Variants in CADPS2 observed in about 807,000 individuals in gnomAD.
CADPS2 encodes calcium dependent secretion activator 2.
Under a neutral mutation model 172.5 loss-of-function variants are expected in CADPS2, and 93 were observed. The observed-to-expected ratio is 0.54, with a 90% CI of 0.46 to 0.64. The LOEUF is 0.64. Ranked by LOEUF, CADPS2 falls within the 30% of genes least tolerant of loss-of-function variation. CADPS2 has a pLI of 0.00. For missense variants in CADPS2, 1,420 were observed against 1,565.9 expected (o/e 0.91, Z 1.57); for synonymous variants, 546 against 555.2 (o/e 0.98, Z 0.23).
chr7:122,629,778 C>G (rs1006351671), intron 3 of CADPS2, among the ~76,000 whole-genome samples: 6 of 152,098 alleles, frequency 3.9e-5, no homozygotes, highest in African/African-American at 1.4e-4. Context: ...TTGACTGATA[C>G]AACTTTCTAC....
At chr7:122,464,063 C>T (rs1586297356) in intron 14 of CADPS2, among the ~76,000 whole-genome samples, 3 of 152,246 alleles carry the variant, frequency 2.0e-5, no homozygotes, top group Middle Eastern at 3.4e-3. Flanking sequence ...TTTCTAAATA[C>T]CATTCTCTAA....
At chr7:122,722,730 T>G (rs2090592598) in intron 2 of CADPS2, among the ~76,000 whole-genome samples, 1 of 138,630 alleles carries the variant, frequency 7.2e-6, no homozygotes, top group Non-Finnish European at 1.5e-5. Context: ...AAGACAATCC[T>G]AAGCCAAAAG....
At chr7:122,648,539 T>C (rs1160953168) in intron 3 of CADPS2, among the ~76,000 whole-genome samples, 4 of 151,440 alleles carry the variant, frequency 2.6e-5, no homozygotes, top group African/African-American at 9.7e-5. Context: ...CCTAGAAAAG[T>C]GCCCGAGTAG....
At chr7:122,767,943 C>T (rs931842325) in intron 1 of CADPS2, among the ~76,000 whole-genome samples, 1 of 152,026 alleles carries the variant, frequency 6.6e-6, no homozygotes, top group African/African-American at 2.4e-5. Context: ...AGACAATAAG[C>T]CTACATTCCT....
At chr7:122,435,966 A>C (rs2050590496) in intron 17 of CADPS2, among the ~76,000 whole-genome samples, 1 of 152,102 alleles carries the variant, frequency 6.6e-6, no homozygotes, top group Non-Finnish European at 1.5e-5. Flanking sequence ...AGGGGCTGGG[A>C]GAAGAGAACA....
At chr7:122,607,179 A>T (rs1435369854) in intron 6 of CADPS2, among the ~76,000 whole-genome samples, 3 of 152,154 alleles carry the variant, frequency 2.0e-5, no homozygotes, top group Admixed American at 1.3e-4. Context: ...TTCCCACTAC[A>T]GGTTTCTGAG....
chr7:122,526,811 A>C (rs1172861601), intron 8 of CADPS2, among the ~76,000 whole-genome samples: 2 of 152,170 alleles, frequency 1.3e-5, no homozygotes, highest in African/African-American at 4.8e-5. Flanking sequence ...AGTCATGGCC[A>C]GCAGATTGTT....
chr7:122,348,989 A>G (rs999030774), intron 27 of CADPS2, among the ~76,000 whole-genome samples: 3 of 152,212 alleles, frequency 2.0e-5, no homozygotes, highest in African/African-American at 7.2e-5. Flanking sequence ...TTACACACCG[A>G]AAGTCACTGC....
At chr7:122,575,259 T>C (rs2067862725) in intron 7 of CADPS2, among the ~76,000 whole-genome samples, 1 of 151,924 alleles carries the variant, frequency 6.6e-6, no homozygotes, top group East Asian at 1.9e-4. Context: ...TGATCCTGGA[T>C]TCTATCCTAG....
chr7:122,557,593 C>G (rs929485312), intron 7 of CADPS2, among the ~76,000 whole-genome samples: 6 of 152,074 alleles, frequency 3.9e-5, no homozygotes, highest in African/African-American at 1.4e-4. Flanking sequence ...AGGTTTCCAG[C>G]CTGCAAAGGG....
intron 8 of CADPS2, among the ~76,000 whole-genome samples, chr7:122,549,353 GGATT>G (rs2063964583): frequency 6.6e-6 from 1 of 152,020 alleles, no homozygotes; most frequent in African/African-American, 2.4e-5. Flanking sequence ...AAAAAATCAA[GGATT>G]GATAAACCTA....
At chr7:122,575,341 A>T (rs1237746193) in intron 7 of CADPS2, among the ~76,000 whole-genome samples, 4 of 152,058 alleles carry the variant, frequency 2.6e-5, no homozygotes, top group Admixed American at 2.6e-4. Context: ...ACTGCATAGC[A>T]CATATTTCTG....
chr7:122,762,848 CTTTCAATG>C (rs2093433265), intron 1 of CADPS2, among the ~76,000 whole-genome samples: 1 of 152,048 alleles, frequency 6.6e-6, no homozygotes, highest in South Asian at 2.1e-4. Flanking sequence ...CCCTACCTTC[CTTTCAATG>C]ATGAAGCTAC....
At chr7:122,570,607 A>G (rs1216755591) in intron 7 of CADPS2, among the ~76,000 whole-genome samples, 5 of 150,120 alleles carry the variant, frequency 3.3e-5, no homozygotes. Flanking sequence ...GGCACTATTC[A>G]CAATAGCAAA....
chr7:122,818,402 C>T (rs950170393), intron 1 of CADPS2, among the ~76,000 whole-genome samples: 32 of 152,128 alleles, frequency 2.1e-4, no homozygotes, highest in Non-Finnish European at 4.3e-4. Flanking sequence ...AATAGGCAAA[C>T]GGTCTGAGGT....
rs1297125858 is a variant in CADPS2 at position 122,721,960 on chromosome 7, A to G, written c.453+14995T>C. 2.0e-5 allele frequency among the ~76,000 whole-genome samples: 3 copies of G among 152,174 alleles called. No homozygotes were observed. The East Asian group carries it at 5.8e-4, about 29-fold the overall frequency. ...AAAAAACACATGATTATCTCAACAG[A>G]TGCAGAAAAGGCCGTTAACAAAATT... is the stretch of plus-strand genomic sequence containing the variant. On this transcript the variant is annotated intron_variant, in intron 2 of 29. Coordinates refer to ENST00000449022, the MANE Select transcript of CADPS2 (RefSeq NM_017954.11).
intron 22 of CADPS2, among the ~76,000 whole-genome samples, chr7:122,390,812 G>C (rs1468410984): frequency 6.6e-6 from 1 of 151,782 alleles, no homozygotes; most frequent in Non-Finnish European, 1.5e-5. Flanking sequence ...TTTCTAATTG[G>C]TGGCCTATTC....
intron 8 of CADPS2, among the ~76,000 whole-genome samples, chr7:122,532,936 G>A (rs889408000): frequency 4.6e-5 from 7 of 151,914 alleles, no homozygotes; most frequent in African/African-American, 1.7e-4. Flanking sequence ...AGGGTTATGC[G>A]AATTTATCTT....
chr7:122,544,890 CTTATCTCCCCCT>C (rs1358696347), intron 8 of CADPS2, among the ~76,000 whole-genome samples: 1 of 152,092 alleles, frequency 6.6e-6, no homozygotes, highest in Non-Finnish European at 1.5e-5. Flanking sequence ...TTGTAATTCA[CTTATCTCCCCCT>C]TTAATATAGC....
Sources: gnomAD v4.1 joint callset for allele counts (sites outside exome capture counted in the v4.1 genomes callset) on GRCh38, gnomAD v4.1.1 for gene constraint, MANE v1.5 for transcripts, NCBI Gene and HGNC (gene_info 2026-07-23, HGNC 2026-07-21) for gene names.